ARHGEF10: variants seen among roughly 807,000 people sequenced by gnomAD.
ARHGEF10 encodes the protein Rho guanine nucleotide exchange factor 10.
A neutral mutation model predicts 147.4 loss-of-function variants in ARHGEF10; 140 were observed. The ratio of observed to expected loss-of-function variants is 0.95; its 90% confidence interval spans 0.83 to 1.09. The LOEUF (loss-of-function observed/expected upper bound fraction) is 1.09, where lower values mean the gene tolerates loss of function less well. Ranked by LOEUF, ARHGEF10 falls within the 50% of genes least tolerant of loss-of-function variation. ARHGEF10 has a pLI of 0.00. For synonymous variants in ARHGEF10, 902 were observed against 695.8 expected (o/e 1.30, Z -4.67); for missense variants, 2,222 against 1,752.7 (o/e 1.27, Z -4.78).
chr8:1,881,818 G>C (rs775939381), intron 9 of ARHGEF10, among the ~76,000 whole-genome samples: 1 of 152,218 alleles, frequency 6.6e-6, no homozygotes, highest in African/African-American at 2.4e-5. Flanking sequence ...CAGCTGCACT[G>C]CTGGTCCCTT....
intron 22 of ARHGEF10, among the ~76,000 whole-genome samples, chr8:1,926,056 C>T (rs956825076): frequency 1.3e-5 from 2 of 152,200 alleles, no homozygotes; most frequent in African/African-American, 4.8e-5. Flanking sequence ...AGGCACAGGC[C>T]ATCACAGGCT....
chr8:1,908,786 C>T (rs1298902599), intron 17 of ARHGEF10, among the ~76,000 whole-genome samples: 1 of 129,240 alleles, frequency 7.7e-6, no homozygotes, highest in African/African-American at 2.9e-5. Flanking sequence ...CTGTATAAGT[C>T]ATAGGGTTTT....
chr8:1,885,660 C>A lies in ARHGEF10; in HGVS notation c.1135C>A (p.Pro379Thr), dbSNP rs1225250558. ...NLFIDVDCKH[P>T]EAILTPMPEG... ...GTTCATTGATGTTGACTGCAAGCAC[C>A]CGGAAGCCATCTTGACCCCGATGCC... The change falls in exon 11 of 29, where the codon CCG becomes ACG. Residue 379 changes from proline (P) to threonine (T), a missense_variant. By Grantham distance (38) the Pro-to-Thr change is conservative. Coordinates refer to ENST00000349830, the MANE Select transcript of ARHGEF10 (RefSeq NM_014629.4). The A allele has an allele frequency of 1.2e-6, 2 of 1,613,914 alleles. No homozygotes were observed. The highest frequency in any genetic ancestry group is 1.7e-6 in the Non-Finnish European group (2 of 1,180,010).
At chr8:1,911,944 C>T (rs1369585337) in intron 18 of ARHGEF10, among the ~76,000 whole-genome samples, 1 of 152,172 alleles carries the variant, frequency 6.6e-6, no homozygotes, top group Non-Finnish European at 1.5e-5. Context: ...TAAATTATAT[C>T]GAGAAGCTAA....
intron 3 of ARHGEF10, among the ~76,000 whole-genome samples, chr8:1,859,084 T>TTG: frequency 1.3e-5 from 2 of 150,638 alleles, no homozygotes; most frequent in African/African-American, 2.4e-5. Flanking sequence ...CGGTGTTTCT[T>TTG]TGTGCATAGT....
intron 18 of ARHGEF10, 104 bp downstream of exon 18, chr8:1,909,574 G>A: frequency 6.8e-7 from 1 of 1,473,600 alleles, no homozygotes; most frequent in South Asian, 1.2e-5. Context: ...CAGGTTCAGG[G>A]TTTAACATGG....
chr8:1,933,570 C>T (rs909973371), intron 25 of ARHGEF10, among the ~76,000 whole-genome samples: 14 of 150,480 alleles, frequency 9.3e-5, no homozygotes, highest in Admixed American at 8.0e-4. Flanking sequence ...GGTGGGGGGT[C>T]TTGAGGGCTG....
At chr8:1,829,157 C>G (rs1001257715) in intron 1 of ARHGEF10, among the ~76,000 whole-genome samples, 1 of 152,250 alleles carries the variant, frequency 6.6e-6, no homozygotes, top group African/African-American at 2.4e-5. Flanking sequence ...CGGGCCTGAG[C>G]TGAGTCGTCC....
intron 15 of ARHGEF10, 35 bp from the exon 16 acceptor site, chr8:1,903,246 G>T (rs750906414): frequency 6.2e-7 from 1 of 1,613,238 alleles, no homozygotes; most frequent in Non-Finnish European, 8.5e-7. Context: ...GAGTGTCCAC[G>T]TGGTAACTGC....
intron 1 of ARHGEF10, chr8:1,826,136 G>C: frequency 6.3e-7 from 1 of 1,593,468 alleles, no homozygotes; most frequent in South Asian, 1.1e-5. Context: ...TTTCTCAGCA[G>C]TAAGAAAAGT....
chr8:1,857,884 A>ATCT (rs1264861539), intron 2 of ARHGEF10, 76 bp from the exon 3 acceptor site: 6 of 856,306 alleles, frequency 7.0e-6, no homozygotes, highest in African/African-American at 2.5e-5. Flanking sequence ...CGATCGATCT[A>ATCT]TCTATCTATC....
Position 1,957,157 on chromosome 8 carries a change from G to T in ARHGEF10, c.3929G>T (p.Cys1310Phe), listed in dbSNP as rs746087623. The change falls in exon 29 of 29, where the codon TGT becomes TTT. Residue 1310 changes from cysteine (C) to phenylalanine (F), a missense_variant. By Grantham distance (205) the Cys-to-Phe change is radical. Transcript: ENST00000349830. ...KAKASSALVVCGGQGHRRVHR... is the reference protein window; with the variant it reads ...KAKASSALVVFGGQGHRRVHR... Reference sequence around the variant, plus strand: ...AAGGCCAGCTCGGCGCTGGTGGTCTGTGGAGGGCAGGGCCACCGCCGGGTG... The same window carrying T: ...AAGGCCAGCTCGGCGCTGGTGGTCTTTGGAGGGCAGGGCCACCGCCGGGTG... The T allele has an allele frequency of 5.0e-6, 8 of 1,612,596 alleles. No individual in the cohort carries two copies. The highest frequency in any genetic ancestry group is 1.3e-5 in the African/African-American group (1 of 74,934).
In ARHGEF10 at chr8:1,843,433, G is replaced by T; in HGVS notation, c.34G>T (p.Ala12Ser). The change falls in exon 2 of 29, where the codon GCA (alanine) becomes TCA (serine). Residue 12 changes from alanine to serine, a missense_variant. Ala to Ser is a moderately conservative substitution (Grantham distance 99, BLOSUM62 1). Transcript: ENST00000349830. ...DQREPLPPAP[A>S]ENEMKYDTNN... ...GCGAGAGCCCCTGCCTCCCGCTCCT[G>T]CAGGTAACAGCACTCAGTAGGTGGG... 1 of 1,612,238 alleles carries T rather than the reference G, an allele frequency of 6.2e-7. No homozygotes were observed. Among genetic ancestry groups the T allele is most frequent in the Non-Finnish European group, 8.5e-7 (1 of 1,179,242 alleles).
rs1223576713 is a variant in ARHGEF10, at chr8:1,948,100, T to G, written c.3397+2445T>G. 6.6e-6 allele frequency among the ~76,000 whole-genome samples: 1 copy of G among 152,062 alleles called. No individual in the cohort carries two copies. Among genetic ancestry groups the G allele is most frequent in the Non-Finnish European group, 1.5e-5 (1 of 68,022 alleles). ...ACTTTTCACCCTTCAGCTCATAGTT[T>G]CCAGGCGGCCGATGATGGATCCATC... On this transcript the variant is annotated intron_variant, in intron 27 of 28. Transcript: ENST00000349830. The surrounding 1 kb of genome is among the most constrained non-coding windows in gnomAD (Gnocchi z 4.9).
chr8:1,869,382 G>C, intron 7 of ARHGEF10, 132 bp downstream of exon 7: 1 of 784,970 alleles, frequency 1.3e-6, no homozygotes, highest in Non-Finnish European at 2.2e-6. Flanking sequence ...TTCTAGAATG[G>C]CTTATTGATG....
chr8:1,843,428 C>A lies in ARHGEF10; in HGVS notation c.29C>A (p.Ala10Asp). 1 of 1,612,986 alleles carries A rather than the reference C, an allele frequency of 6.2e-7. No individual in the cohort carries two copies. MDQREPLPP[A>D]PAENEMKYDT... ...GACCAGCGAGAGCCCCTGCCTCCCG[C>A]TCCTGCAGGTAACAGCACTCAGTAG... The change falls in exon 2 of 29, where the codon GCT becomes GAT. Residue 10 changes from alanine (A) to aspartate (D), a missense_variant. Physicochemically the swap from Ala to Asp is moderately radical, Grantham distance 126. Transcript: ENST00000349830.
chr8:1,847,735 T>C (rs1041952079), intron 2 of ARHGEF10, among the ~76,000 whole-genome samples: 2 of 152,206 alleles, frequency 1.3e-5, no homozygotes, highest in Non-Finnish European at 2.9e-5. Flanking sequence ...TGCAGCCTGG[T>C]GCTTTTTAAA....
intron 28 of ARHGEF10, 132 bp from the exon 29 acceptor site, chr8:1,956,617 A>G: frequency 1.1e-6 from 1 of 877,924 alleles, no homozygotes; most frequent in Non-Finnish European, 1.9e-6. Context: ...TTATTCATGT[A>G]TGCAAGTTAC....
At chr8:1,916,257 G>A (rs756484340) in intron 18 of ARHGEF10, among the ~76,000 whole-genome samples, 1 of 152,148 alleles carries the variant, frequency 6.6e-6, no homozygotes, top group Non-Finnish European at 1.5e-5. Flanking sequence ...GCCTGTGGAC[G>A]GGGTCCTATC....
Sources: allele counts gnomAD v4.1 joint callset (sites outside exome capture counted in the v4.1 genomes callset), GRCh38; gene constraint gnomAD v4.1.1; non-coding constraint Gnocchi (gnomAD v3.1); transcripts MANE v1.5; gene names NCBI Gene and HGNC (gene_info 2026-07-23, HGNC 2026-07-21).